ZMYND12: variants seen among roughly 807,000 people sequenced by gnomAD.
ZMYND12 encodes the protein zinc finger MYND domain-containing protein 12.
A neutral mutation model predicts 41.7 loss-of-function variants in ZMYND12; 32 were observed. That is an observed-to-expected ratio of 0.77 (90% confidence interval 0.58 to 1.03). The LOEUF is 1.03. ZMYND12 is among the 50% of genes least tolerant of loss of function. The probability of loss-of-function intolerance (pLI) is 0.00; values close to 1 mark genes in which losing one functional copy is unlikely to be tolerated. For synonymous variants in ZMYND12, 148 were observed against 164.8 expected, an observed-to-expected ratio of 0.90 and a Z score of 0.78; for missense variants, 424 against 438.5, an observed-to-expected ratio of 0.97 and a Z score of 0.30.
intron 1 of ZMYND12, 116 bp from the exon 2 acceptor site, chr1:42,450,175 G>T: frequency 1.6e-6 from 2 of 1,234,038 alleles, no homozygotes; most frequent in Non-Finnish European, 1.1e-6. Flanking sequence ...TACAAACCAG[G>T]CAGGGAGCTC....
At chr1:42,445,623 T>C (rs1183793865) in intron 3 of ZMYND12, among the ~76,000 whole-genome samples, 1 of 151,930 alleles carries the variant, frequency 6.6e-6, no homozygotes, top group Non-Finnish European at 1.5e-5. Flanking sequence ...ATCATGCTTC[T>C]GAGGAACTGA....
chr1:42,450,085 G>A (rs1643067938), intron 1 of ZMYND12, 26 bp from the exon 2 acceptor site: 1 of 1,610,396 alleles, frequency 6.2e-7, no homozygotes, highest in South Asian at 1.1e-5. Context: ...TAGACTTTAT[G>A]ATCTTTATAT....
chr1:42,440,902 A>T (rs1179127383), intron 3 of ZMYND12, among the ~76,000 whole-genome samples: 1 of 152,122 alleles, frequency 6.6e-6, no homozygotes, highest in South Asian at 2.1e-4. Context: ...CCCTGACATC[A>T]GGTGATCCAC....
At chr1:42,433,311 A>T (rs763690582) in intron 6 of ZMYND12, 23 bp from the exon 7 acceptor site, 3 of 1,587,790 alleles carry the variant, frequency 1.9e-6, no homozygotes, top group Non-Finnish European at 2.6e-6. Context: ...GGGAAGAAAG[A>T]AAAAACAGGC....
chr1:42,447,017 A>G (rs111808237), intron 3 of ZMYND12, among the ~76,000 whole-genome samples: 57,811 of 151,598 alleles, frequency 0.38, 11,421 homozygotes, highest in East Asian at 0.59. Context: ...GAATAAAGAT[A>G]AAATACTGAT....
rs1219294586 is a variant in ZMYND12, at chr1:42,430,822, T to A, written c.1012A>T (p.Lys338Ter). 13 of 1,614,118 alleles carry A rather than the reference T, an allele frequency of 8.1e-6. No individual in the cohort carries two copies. Among genetic ancestry groups the A allele is most frequent in the Non-Finnish European group, 1.1e-5 (13 of 1,180,046 alleles). Residue 338 changes from lysine to a stop codon, truncating the protein, a stop_gained, in exon 8 of 8, where the codon AAA (lysine) becomes TAA (stop). Transcript: ENST00000372565. LOFTEE classifies it low-confidence loss of function (END_TRUNC). ...EYGMRALSLA[K>*]EQQLDVHEQS... ...TCATGGACATCAAGCTGTTGTTCTT[T>A]GGCTAGACTGAGGGCCCTCATGCCA...
At position 42,442,922 on chromosome 1, in the gene ZMYND12, A is replaced by C. The variant is rs1476253142; in HGVS notation, c.425-2897T>G. Among the ~76,000 whole-genome samples, 3 of 152,210 alleles carry C rather than the reference A, an allele frequency of 2.0e-5. No individual in the cohort carries two copies. The South Asian group carries it at 6.2e-4, about 32-fold the overall frequency. On this transcript the variant is annotated intron_variant, in intron 3 of 7. Coordinates refer to ENST00000372565, the MANE Select transcript of ZMYND12 (RefSeq NM_032257.5). ...GATCCTGGCTCATGTGAACATGGCA[A>C]GTCACATCTTCCCTCCAGGCTTTGT...
At chr1:42,442,806 C>A (rs1191675287) in intron 3 of ZMYND12, among the ~76,000 whole-genome samples, 1 of 152,090 alleles carries the variant, frequency 6.6e-6, no homozygotes, top group Admixed American at 6.5e-5. Context: ...AAGCAGTCTA[C>A]AAGAAGAAGG....
At chr1:42,436,322 C>A in intron 5 of ZMYND12, 99 bp downstream of exon 5, 1 of 1,536,740 alleles carries the variant, frequency 6.5e-7, no homozygotes. Context: ...CTGTGCCTCT[C>A]TTTCTCATGA....
Position 42,438,664 on chromosome 1 carries a change from A to G in ZMYND12, c.594+1192T>C, listed in dbSNP as rs116518159. ...AGTCCATAGAGGTTGTGTAGTCCATAGAGGTCAGGCTCCCAGGGCATAGAG... is the reference window on the plus strand; with the variant it reads ...AGTCCATAGAGGTTGTGTAGTCCATGGAGGTCAGGCTCCCAGGGCATAGAG... On this transcript the variant is annotated intron_variant, in intron 4 of 7. Transcript: ENST00000372565. 6.7e-3 allele frequency among the ~76,000 whole-genome samples: 1,014 copies of G among 152,298 alleles called. 16 individuals carry two copies. The highest frequency in any genetic ancestry group is 0.023 in the African/African-American group (970 of 41,542).
chr1:42,443,553 T>C lies in ZMYND12; in HGVS notation c.425-3528A>G, dbSNP rs142051975. Among the ~76,000 whole-genome samples the C allele has an allele frequency of 3.9e-5, 6 of 152,248 alleles. No individual in the cohort carries two copies. The East Asian group carries it at 9.7e-4, about 25-fold the overall frequency. ...GTGATGAAAGTGAAGGAATGCAGCA[T>C]ACAGCAGTCACAGCTGAGTCAAAGG... On this transcript the variant is annotated intron_variant, in intron 3 of 7. Coordinates refer to ENST00000372565, the MANE Select transcript of ZMYND12 (RefSeq NM_032257.5).
intron 7 of ZMYND12, among the ~76,000 whole-genome samples, chr1:42,432,235 T>C (rs530567291): frequency 2.6e-4 from 40 of 152,048 alleles, no homozygotes; most frequent in Admixed American, 9.2e-4. Flanking sequence ...TTTTTATTTT[T>C]ATTTTTAGTA....
At position 42,439,954 on chromosome 1, in the gene ZMYND12, A is replaced by C. The variant is rs777748431; in HGVS notation, c.496T>G (p.Cys166Gly). The change falls in exon 4 of 8, where the codon TGT becomes GGT. Residue 166 changes from cysteine (C) to glycine (G), a missense_variant. Transcript: ENST00000372565. ...AGTAAAGAGTGGGTGGCATTACTACAGTCAGTTGATTTGAGGACTGTCCAC... is the reference window on the plus strand; with the variant it reads ...AGTAAAGAGTGGGTGGCATTACTACCGTCAGTTGATTTGAGGACTGTCCAC... Reference protein sequence around the residue: ...AQWTVLKSTDCSNATHSLLHR... With the variant: ...AQWTVLKSTDGSNATHSLLHR... 6 of 1,614,160 alleles carry C rather than the reference A, an allele frequency of 3.7e-6. No individual in the cohort carries two copies. The Admixed American group carries it at 6.7e-5, about 18-fold the overall frequency.
At chr1:42,430,916 A>T in intron 7 of ZMYND12, 58 bp from the exon 8 acceptor site, 1 of 1,604,974 alleles carries the variant, frequency 6.2e-7, no homozygotes, top group Admixed American at 1.7e-5. Context: ...AACACTGGGA[A>T]GCCCCATCTG....
At chr1:42,433,754 G>A (rs1337451498) in intron 6 of ZMYND12, among the ~76,000 whole-genome samples, 1 of 152,148 alleles carries the variant, frequency 6.6e-6, no homozygotes, top group Non-Finnish European at 1.5e-5. Flanking sequence ...CCATAGATGC[G>A]TAAGCAACAA....
chr1:42,445,781 G>C (rs558890433), intron 3 of ZMYND12, among the ~76,000 whole-genome samples: 1 of 152,232 alleles, frequency 6.6e-6, no homozygotes, highest in South Asian at 2.1e-4. Flanking sequence ...ATTTAGAGGA[G>C]TGATGGGTCA....
At chr1:42,431,501 T>G (rs1368161100) in intron 7 of ZMYND12, among the ~76,000 whole-genome samples, 2 of 151,984 alleles carry the variant, frequency 1.3e-5, no homozygotes, top group Non-Finnish European at 2.9e-5. Context: ...GTAGTGGGGG[T>G]TTGCAGTTTT....
At position 42,435,352 on chromosome 1, in the gene ZMYND12, G is replaced by T. The variant is rs1174608030; in HGVS notation, c.751C>A (p.His251Asn). Residue 251 changes from histidine to asparagine, a missense_variant, in exon 6 of 8, where the codon CAC becomes AAC. Transcript: ENST00000372565. ...SEIWHAYLNN[H>N]YQVLSQAHIQ... ...TGAGCCTGTGAGAGGACTTGATAGT[G>T]ATTGTTCAAATATGCATGCCAGATC... 5.6e-6 allele frequency: 9 copies of T among 1,613,888 alleles called. No individual in the cohort carries two copies. The highest frequency in any genetic ancestry group is 7.6e-6 in the Non-Finnish European group (9 of 1,179,906).
At chr1:42,436,624 A>T (rs1214454042) in intron 4 of ZMYND12, 81 bp from the exon 5 acceptor site, 2 of 1,507,620 alleles carry the variant, frequency 1.3e-6, no homozygotes, top group East Asian at 4.7e-5. Context: ...TCTAGAATAC[A>T]TACAAAAAAC....
Sources: gnomAD v4.1 joint callset for allele counts (sites outside exome capture counted in the v4.1 genomes callset) on GRCh38, gnomAD v4.1.1 for gene constraint, MANE v1.5 for transcripts, NCBI Gene and HGNC (gene_info 2026-07-23, HGNC 2026-07-21) for gene names.